Variants in LTBP1 observed in about 807,000 individuals in gnomAD.
The protein encoded by LTBP1 is latent-transforming growth factor beta-binding protein 1.
In LTBP1, 129 loss-of-function variants were observed where a neutral mutation model predicts 207.6. That is an observed-to-expected ratio of 0.62 (90% CI 0.54 to 0.72). The LOEUF (loss-of-function observed/expected upper bound fraction) is 0.72, where lower values mean the gene tolerates loss of function less well. Ranked by LOEUF, LTBP1 falls within the 30% of genes least tolerant of loss-of-function variation. LTBP1 has a pLI of 0.00. For synonymous variants in LTBP1, 963 were observed against 833.7 expected (o/e 1.16, Z -2.67); for missense variants, 2,281 against 2,217.2 (o/e 1.03, Z -0.58).
intron 20 of LTBP1, among the ~76,000 whole-genome samples, chr2:33,295,578 G>A (rs748741057): frequency 1.1e-4 from 17 of 151,932 alleles, no homozygotes; most frequent in East Asian, 1.9e-4. Flanking sequence ...TGTACATTAC[G>A]TATACATTTT....
At chr2:33,239,225 A>G (rs1232700244) in intron 9 of LTBP1, among the ~76,000 whole-genome samples, 5 of 152,220 alleles carry the variant, frequency 3.3e-5, no homozygotes, top group Non-Finnish European at 7.3e-5. Context: ...TAGTAGCTTC[A>G]TGGATTTTGC....
intron 2 of LTBP1, among the ~76,000 whole-genome samples, chr2:32,959,965 A>T (rs1304612285): frequency 2.0e-5 from 3 of 152,046 alleles, no homozygotes; most frequent in Admixed American, 6.6e-5. Context: ...CCATCCTCCC[A>T]TATGCATTTC....
At chr2:32,947,864 C>G (rs984758412) in intron 1 of LTBP1, 46 bp downstream of exon 1, 17 of 1,271,982 alleles carry the variant, frequency 1.3e-5, no homozygotes, top group Non-Finnish European at 1.7e-5. Context: ...TCGCGCGCAC[C>G]GCCCGCGGAG....
In LTBP1 at chr2:33,041,615, A is replaced by G. The variant is rs1248972758; in HGVS notation, c.863+20409A>G. ...GTCTTTTCTGTATTCCCAGTGCCTA[A>G]TCTGGAATGGAGCACATGATAAATA... is the stretch of plus-strand genomic sequence containing the variant. On this transcript the variant is annotated intron_variant, in intron 3 of 33. Coordinates refer to ENST00000404816, the MANE Select transcript of LTBP1 (RefSeq NM_206943.4). 2.0e-5 allele frequency among the ~76,000 whole-genome samples: 3 copies of G among 152,344 alleles called. No individual in the cohort carries two copies. The East Asian group carries it at 5.8e-4, about 29-fold the overall frequency.
chr2:33,111,189 A>G (rs1051944819), intron 4 of LTBP1, among the ~76,000 whole-genome samples: 1 of 152,118 alleles, frequency 6.6e-6, no homozygotes, highest in Non-Finnish European at 1.5e-5. Flanking sequence ...AGACTCACCT[A>G]GTTTTTAGTG....
chr2:33,188,518 CT>C, intron 6 of LTBP1, 58 bp from the exon 7 acceptor site: 2 of 1,324,800 alleles, frequency 1.5e-6, no homozygotes, highest in South Asian at 2.7e-5. Flanking sequence ...TGTTTTAAAA[CT>C]TTTGATTTGC....
intron 9 of LTBP1, among the ~76,000 whole-genome samples, chr2:33,228,022 G>T (rs1168180288): frequency 6.6e-6 from 1 of 151,872 alleles, no homozygotes; most frequent in African/African-American, 2.4e-5. Flanking sequence ...GGCCAGGAAT[G>T]TCTTGATCTC....
intron 9 of LTBP1, among the ~76,000 whole-genome samples, chr2:33,232,917 C>A (rs556454119): frequency 3.3e-5 from 5 of 152,188 alleles, no homozygotes; most frequent in African/African-American, 9.6e-5. Flanking sequence ...TACATTATAC[C>A]AAAGTCTTCT....
intron 18 of LTBP1, among the ~76,000 whole-genome samples, chr2:33,278,756 A>G (rs1179445173): frequency 1.3e-5 from 2 of 152,192 alleles, no homozygotes; most frequent in East Asian, 1.9e-4. Flanking sequence ...ATGTAATGCT[A>G]TTTGGAAAAT....
At chr2:33,195,562 A>C (rs953362995) in intron 7 of LTBP1, among the ~76,000 whole-genome samples, 1 of 152,236 alleles carries the variant, frequency 6.6e-6, no homozygotes, top group Non-Finnish European at 1.5e-5. Flanking sequence ...CTCATGTTCA[A>C]ACTTGAATGG....
intron 12 of LTBP1, 103 bp from the exon 13 acceptor site, chr2:33,259,485 C>G: frequency 1.2e-6 from 1 of 816,412 alleles, no homozygotes; most frequent in Non-Finnish European, 1.9e-6. Flanking sequence ...ATTCTTAATC[C>G]TTTTGCAGAG....
At chr2:33,209,817 C>T (rs1263715051) in intron 7 of LTBP1, among the ~76,000 whole-genome samples, 2 of 152,140 alleles carry the variant, frequency 1.3e-5, no homozygotes, top group African/African-American at 4.8e-5. Context: ...CTAATACAAG[C>T]CCAGTGGGGC....
intron 24 of LTBP1, among the ~76,000 whole-genome samples, chr2:33,320,723 C>T (rs561096075): frequency 2.8e-4 from 43 of 152,256 alleles, no homozygotes; most frequent in African/African-American, 9.1e-4. Context: ...TAAAGTACAA[C>T]GCCAAGAGTT....
intron 3 of LTBP1, among the ~76,000 whole-genome samples, chr2:33,096,433 G>T (rs775841796): frequency 2.0e-5 from 3 of 152,128 alleles, no homozygotes; most frequent in Non-Finnish European, 4.4e-5. Flanking sequence ...ATAATAGAGT[G>T]GTGTGGGGTT....
At chr2:33,199,080 G>T (rs1573123337) in intron 7 of LTBP1, among the ~76,000 whole-genome samples, 1 of 152,216 alleles carries the variant, frequency 6.6e-6, no homozygotes, top group Middle Eastern at 3.4e-3. Context: ...ATGTGTCCCA[G>T]AGATTCTGGT....
chr2:33,295,740 G>A (rs1170013498), intron 20 of LTBP1, among the ~76,000 whole-genome samples: 3 of 152,112 alleles, frequency 2.0e-5, no homozygotes, highest in Non-Finnish European at 4.4e-5. Flanking sequence ...GGTAAAAGAG[G>A]AAATAAGTAA....
At chr2:33,095,856 A>G (rs974180637) in intron 3 of LTBP1, among the ~76,000 whole-genome samples, 18 of 152,154 alleles carry the variant, frequency 1.2e-4, no homozygotes, top group African/African-American at 4.3e-4. Flanking sequence ...TTATTAAAGA[A>G]AAATGAATAA....
chr2:33,130,488 A>G (rs755945865), intron 4 of LTBP1, among the ~76,000 whole-genome samples: 1 of 152,186 alleles, frequency 6.6e-6, no homozygotes, highest in African/African-American at 2.4e-5. Context: ...AAACAAGGCA[A>G]CTGTGCCCTT....
At chr2:32,959,613 ATATATATATTT>A (rs1206195399) in intron 2 of LTBP1, among the ~76,000 whole-genome samples, 4 of 36,770 alleles carry the variant, frequency 1.1e-4, no homozygotes, top group African/African-American at 2.5e-4. Flanking sequence ...ATATATATAT[ATATATATATTT>A]TTTTTTTTTT....
Sources: allele counts gnomAD v4.1 joint callset (sites outside exome capture counted in the v4.1 genomes callset), GRCh38; gene constraint gnomAD v4.1.1; transcripts MANE v1.5; gene names NCBI Gene and HGNC (gene_info 2026-07-23, HGNC 2026-07-21).